Variants in SDHC observed in about 807,000 individuals in gnomAD.
The protein encoded by SDHC is succinate dehydrogenase cytochrome b560 subunit, mitochondrial.
Under a neutral mutation model 22.6 loss-of-function variants are expected in SDHC, and 11 were observed. The observed-to-expected ratio is 0.49, with a 90% CI of 0.31 to 0.81. The LOEUF is 0.81. SDHC is among the 30% of genes least tolerant of loss of function. The probability of loss-of-function intolerance (pLI) is 0.05; values close to 1 mark genes in which losing one functional copy is unlikely to be tolerated. For synonymous variants in SDHC, 80 were observed against 77.8 expected (o/e 1.03, Z -0.15); for missense variants, 160 against 212.0 (o/e 0.75, Z 1.52).
intron 4 of SDHC, among the ~76,000 whole-genome samples, chr1:161,348,198 C>A (rs1214463304): frequency 6.6e-6 from 1 of 151,780 alleles, no homozygotes; most frequent in Non-Finnish European, 1.5e-5. Context: ...GCCCTGTCGC[C>A]CAGGCTGGAG....
chr1:161,356,598 G>A (rs1029243249), intron 4 of SDHC, 79 bp from the exon 5 acceptor site: 2 of 1,411,662 alleles, frequency 1.4e-6, no homozygotes, highest in African/African-American at 1.4e-5. Flanking sequence ...TGTATGAGGT[G>A]CCAGGGGTCC....
rs147819110 is a variant in SDHC at position 161,336,562 on chromosome 1, A to T, written c.180-4032A>T. Among the ~76,000 whole-genome samples, 658 of 152,284 alleles carry T rather than the reference A, an allele frequency of 4.3e-3. 3 individuals carry two copies. Among genetic ancestry groups the T allele is most frequent in the Middle Eastern group, 0.027 (8 of 294 alleles). On this transcript the variant is annotated intron_variant, in intron 3 of 5. Transcript: ENST00000367975. ...GCCGTGGCCTTTTTTCACAGGTCATATAAAGAATGGTTGTAGGTTGGTGAG... is the reference window on the plus strand; with the variant it reads ...GCCGTGGCCTTTTTTCACAGGTCATTTAAAGAATGGTTGTAGGTTGGTGAG...
chr1:161,323,695 T>C (rs1272072360), intron 2 of SDHC, 25 bp downstream of exon 2: 4 of 1,564,408 alleles, frequency 2.6e-6, no homozygotes, highest in African/African-American at 2.8e-5. Context: ...CTGGAGATTA[T>C]TTATTTATTT....
chr1:161,353,811 C>T (rs1330476335), intron 4 of SDHC, among the ~76,000 whole-genome samples: 2 of 151,964 alleles, frequency 1.3e-5, no homozygotes, highest in African/African-American at 2.4e-5. Flanking sequence ...AGCAAGACCC[C>T]GTCTCTATGA....
chr1:161,336,439 G>A (rs1343116302), intron 3 of SDHC, among the ~76,000 whole-genome samples: 2 of 150,158 alleles, frequency 1.3e-5, no homozygotes, highest in Non-Finnish European at 2.9e-5. Context: ...TGGCAACAGA[G>A]CAAGGCTCCG....
chr1:161,345,148 A>G (rs967095603), intron 4 of SDHC, among the ~76,000 whole-genome samples: 8 of 152,104 alleles, frequency 5.3e-5, no homozygotes. Context: ...CCCTTTGCTT[A>G]CTGTGCTCCA....
At chr1:161,361,069 C>A (rs546912083) in intron 5 of SDHC, among the ~76,000 whole-genome samples, 2 of 151,936 alleles carry the variant, frequency 1.3e-5, no homozygotes, top group South Asian at 4.2e-4. Flanking sequence ...GCCAAGATGG[C>A]GCCACTGGAG....
chr1:161,353,604 T>C (rs1169733576), intron 4 of SDHC, among the ~76,000 whole-genome samples: 1 of 152,188 alleles, frequency 6.6e-6, no homozygotes, highest in African/African-American at 2.4e-5. Context: ...TCAAGGTAAA[T>C]ACCTAACACT....
intron 4 of SDHC, among the ~76,000 whole-genome samples, chr1:161,345,426 C>G (rs1367079217): frequency 6.6e-6 from 1 of 152,060 alleles, no homozygotes; most frequent in Non-Finnish European, 1.5e-5. Flanking sequence ...TTGTTTCTTT[C>G]AAAGCTTTTA....
chr1:161,339,803 C>T (rs1410753413), intron 3 of SDHC, among the ~76,000 whole-genome samples: 1 of 151,236 alleles, frequency 6.6e-6, no homozygotes, highest in African/African-American at 2.4e-5. Context: ...GCCTCAGCCT[C>T]CCGAGTAACT....
intron 1 of SDHC, among the ~76,000 whole-genome samples, chr1:161,319,920 C>T (rs1051980212): frequency 6.7e-6 from 1 of 148,952 alleles, no homozygotes; most frequent in South Asian, 2.2e-4. Flanking sequence ...GAGGTTAGGT[C>T]CAGAGAGTTG....
intron 4 of SDHC, among the ~76,000 whole-genome samples, chr1:161,342,594 A>G (rs768287371): frequency 1.3e-5 from 2 of 150,346 alleles, no homozygotes; most frequent in Non-Finnish European, 3.0e-5. Flanking sequence ...CTGCAACCTC[A>G]TGAGACCAGC....
chr1:161,314,919 G>T (rs1670550713), intron 1 of SDHC: 1 of 165,514 alleles, frequency 6.0e-6, no homozygotes, highest in Admixed American at 5.8e-5. Context: ...CTGGCAAAGG[G>T]TGGATCCCTA....
At chr1:161,336,916 C>T (rs968246468) in intron 3 of SDHC, among the ~76,000 whole-genome samples, 14 of 151,990 alleles carry the variant, frequency 9.2e-5, no homozygotes, top group African/African-American at 3.1e-4. Flanking sequence ...GTTACTCAGG[C>T]TGGAGTGCAG....
intron 1 of SDHC, among the ~76,000 whole-genome samples, chr1:161,322,246 G>C (rs1571841240): frequency 1.3e-5 from 2 of 151,830 alleles, no homozygotes; most frequent in East Asian, 3.9e-4. Context: ...CCTGTACCGT[G>C]TAAACTTTGG....
At chr1:161,353,013 G>T (rs1243791381) in intron 4 of SDHC, among the ~76,000 whole-genome samples, 1 of 152,082 alleles carries the variant, frequency 6.6e-6, no homozygotes, top group Non-Finnish European at 1.5e-5. Flanking sequence ...ATTGGTGTGG[G>T]GGTATGTAGT....
Position 161,339,522 on chromosome 1 carries a change from G to A in SDHC, c.180-1072G>A, listed in dbSNP as rs1250930055. 2.1e-5 allele frequency: 25 copies of A among 1,184,478 alleles called. No homozygotes were observed. The Admixed American group carries it at 3.1e-4, about 15-fold the overall frequency. The allele number at this position is 1,184,478 out of a possible 1,614,324, so 73.4% of individuals were successfully genotyped here. On this transcript the variant is annotated intron_variant, in intron 3 of 5. Coordinates refer to ENST00000367975, the MANE Select transcript of SDHC (RefSeq NM_003001.5). ...GTCTTTGACCCATGTTTCTCCTTGC[G>A]AAAGGAGTTTTGAGTTATAATCATT... is the stretch of plus-strand genomic sequence containing the variant.
At chr1:161,333,885 T>G (rs1671375355) in intron 3 of SDHC, among the ~76,000 whole-genome samples, 1 of 152,190 alleles carries the variant, frequency 6.6e-6, no homozygotes, top group Non-Finnish European at 1.5e-5. Context: ...CTAAAAATTC[T>G]TTTAGTCCCT....
intron 4 of SDHC, among the ~76,000 whole-genome samples, chr1:161,351,795 G>A (rs1190877396): frequency 1.3e-5 from 2 of 152,220 alleles, no homozygotes. Context: ...TAAAAGAACA[G>A]TTATGTGCTG....
Sources: gnomAD v4.1 joint callset for allele counts (sites outside exome capture counted in the v4.1 genomes callset) on GRCh38, gnomAD v4.1.1 for gene constraint, MANE v1.5 for transcripts, NCBI Gene and HGNC (gene_info 2026-07-23, HGNC 2026-07-21) for gene names.